CEP97: variants seen among roughly 807,000 people sequenced by gnomAD.
The protein encoded by CEP97 is centrosomal protein 97.
Under a neutral mutation model 73.1 loss-of-function variants are expected in CEP97, and 43 were observed. The observed-to-expected ratio is 0.59, with a 90% CI of 0.46 to 0.76. The LOEUF is 0.76. CEP97 is among the 30% of genes least tolerant of loss of function. The pLI is 0.00. For missense variants in CEP97, 939 were observed against 1,014.0 expected, an observed-to-expected ratio of 0.93 and a Z score of 1.00; for synonymous variants, 337 against 370.0, an observed-to-expected ratio of 0.91 and a Z score of 1.02.
rs13066768 is a variant in CEP97 at position 101,768,076 on chromosome 3, A to G, written c.*2525A>G. 1 of 151,944 alleles carries G rather than the reference A, an allele frequency of 6.6e-6. No homozygotes were observed. Among genetic ancestry groups the G allele is most frequent in the Non-Finnish European group, 1.5e-5 (1 of 67,976 alleles). 9.4% of individuals were successfully genotyped at this position (151,944 alleles called of 1,614,324 possible). ...AGGAAAGGTTTAGTTCAGCTGTGCTATTTTAGTACACATCAGTTCTCTTGA... is the reference window on the plus strand; with the variant it reads ...AGGAAAGGTTTAGTTCAGCTGTGCTGTTTTAGTACACATCAGTTCTCTTGA... On this transcript the variant is annotated 3_prime_UTR_variant, in exon 11 of 11. Coordinates refer to ENST00000341893, the MANE Select transcript of CEP97 (RefSeq NM_024548.4).
intron 6 of CEP97, among the ~76,000 whole-genome samples, chr3:101,741,529 A>G (rs10936753): frequency 0.68 from 104,087 of 152,034 alleles, 36,002 homozygotes; most frequent in Non-Finnish European, 0.71. Flanking sequence ...CTGTCAAAGG[A>G]CCAATATCCA....
At chr3:101,725,946 T>A (rs555919899) in intron 1 of CEP97, among the ~76,000 whole-genome samples, 191 of 152,206 alleles carry the variant, frequency 1.3e-3, no homozygotes, top group African/African-American at 4.6e-3. Flanking sequence ...ATCCCCACTT[T>A]ACAGAGTAGA....
At chr3:101,725,437 C>T (rs1459118251) in intron 1 of CEP97, among the ~76,000 whole-genome samples, 2 of 152,160 alleles carry the variant, frequency 1.3e-5, no homozygotes, top group Non-Finnish European at 2.9e-5. Flanking sequence ...GGGGTCGAGG[C>T]CCGTCTTCAT....
At chr3:101,745,353 C>T (rs1041350697) in intron 6 of CEP97, among the ~76,000 whole-genome samples, 85 of 152,240 alleles carry the variant, frequency 5.6e-4, no homozygotes, top group African/African-American at 1.9e-3. Flanking sequence ...CTCAACCTCC[C>T]GGGCTCAAAC....
intron 6 of CEP97, among the ~76,000 whole-genome samples, chr3:101,752,501 G>A (rs192007913): frequency 6.6e-6 from 1 of 152,286 alleles, no homozygotes; most frequent in African/African-American, 2.4e-5. Context: ...TTCCAACTTG[G>A]TTCCATTCTC....
Position 101,768,479 on chromosome 3 carries a change from A to AT in CEP97, c.*2934dup, listed in dbSNP as rs1939372609. On this transcript the variant is annotated 3_prime_UTR_variant, in exon 11 of 11. Transcript: ENST00000341893. Reference sequence around the variant, plus strand: ...CTAATTCCTTCAGAACCCTGAGTGAATTTTTTCTAAGAAATGTGACTTGAT... The same window carrying AT: ...CTAATTCCTTCAGAACCCTGAGTGAATTTTTTTCTAAGAAATGTGACTTGAT... The AT allele has an allele frequency of 6.6e-6, 1 of 152,142 alleles. No individual in the cohort carries two copies. The highest frequency in any genetic ancestry group is 2.1e-4 in the South Asian group (1 of 4,830). 9.4% of individuals were successfully genotyped at this position (152,142 alleles called of 1,614,324 possible).
chr3:101,768,842 G>A lies in CEP97; in HGVS notation c.*3291G>A, dbSNP rs926100090. Reference sequence around the variant, plus strand: ...CAGATGTTAAAATGTTAACTCTCCTGGTGTGCAGAAAGCTGTAATCATGAC... The same window carrying A: ...CAGATGTTAAAATGTTAACTCTCCTAGTGTGCAGAAAGCTGTAATCATGAC... On this transcript the variant is annotated 3_prime_UTR_variant, in exon 11 of 11. Transcript: ENST00000341893. 1 of 152,070 alleles carries A rather than the reference G, an allele frequency of 6.6e-6. No individual in the cohort carries two copies. Among genetic ancestry groups the A allele is most frequent in the Non-Finnish European group, 1.5e-5 (1 of 68,016 alleles). 9.4% of individuals were successfully genotyped at this position (152,070 alleles called of 1,614,324 possible). A position where few individuals can be genotyped will look rare whatever the true frequency, so the allele number is the denominator to read the frequency against.
chr3:101,742,954 A>G (rs1182025184), intron 6 of CEP97, among the ~76,000 whole-genome samples: 3 of 152,176 alleles, frequency 2.0e-5, no homozygotes, highest in African/African-American at 7.2e-5. Flanking sequence ...GAGAACAGGA[A>G]GAGAGCATGG....
intron 6 of CEP97, among the ~76,000 whole-genome samples, chr3:101,733,293 G>A (rs1938171290): frequency 6.6e-6 from 1 of 152,096 alleles, no homozygotes; most frequent in African/African-American, 2.4e-5. Flanking sequence ...TCTCAGATCA[G>A]TCTCACAAAA....
At chr3:101,747,915 C>T (rs1470698193) in intron 6 of CEP97, among the ~76,000 whole-genome samples, 1 of 151,100 alleles carries the variant, frequency 6.6e-6, no homozygotes, top group Non-Finnish European at 1.5e-5. Flanking sequence ...TTGAAGTCAG[C>T]AGTTCAAGAC....
Position 101,758,369 on chromosome 3 carries a change from T to C in CEP97, c.1763T>C (p.Ile588Thr), listed in dbSNP as rs2107186110. 1.9e-6 allele frequency: 3 copies of C among 1,614,154 alleles called. No individual in the cohort carries two copies. In the East Asian group the frequency reaches 6.7e-5, roughly 36 times the overall value. Reference sequence around the variant, plus strand: ...CAAGCCAAAGATGTGCGTTACGAAATCCGGCTACGCAGAATGCAAGAGCAC... The same window carrying C: ...CAAGCCAAAGATGTGCGTTACGAAACCCGGCTACGCAGAATGCAAGAGCAC... ...NPQAKDVRYE[I>T]RLRRMQEHIV... The change falls in exon 9 of 11, where the codon ATC becomes ACC. Residue 588 changes from isoleucine (I) to threonine (T), a missense_variant. Coordinates refer to ENST00000341893, the MANE Select transcript of CEP97 (RefSeq NM_024548.4).
chr3:101,754,318 C>G (rs1938944925), intron 6 of CEP97, among the ~76,000 whole-genome samples: 1 of 152,074 alleles, frequency 6.6e-6, no homozygotes. Context: ...CTTAAAGAAA[C>G]AACCACAATG....
At chr3:101,758,602 C>G (rs369553249) in intron 9 of CEP97, 179 bp downstream of exon 9, 4 of 673,192 alleles carry the variant, frequency 5.9e-6, no homozygotes, top group Non-Finnish European at 7.4e-6. Context: ...ACTATCTGCT[C>G]TATCTCCTCA....
In CEP97 at chr3:101,757,087, C is replaced by G; in HGVS notation, c.918C>G (p.Asn306Lys). Reference sequence around the variant, plus strand: ...GGTTTCACCAGAGGCAGTTGATGAACCAAAGCCAAAATGAAGAGTTGTCTC... The same window carrying G: ...GGTTTCACCAGAGGCAGTTGATGAAGCAAAGCCAAAATGAAGAGTTGTCTC... ...KQRFHQRQLMNQSQNEELSPL... is the reference protein window; with the variant it reads ...KQRFHQRQLMKQSQNEELSPL... Residue 306 changes from asparagine (N) to lysine (K), a missense_variant, in exon 8 of 11, where the codon AAC becomes AAG. Transcript: ENST00000341893. 6.2e-7 allele frequency: 1 copy of G among 1,611,236 alleles called. No homozygotes were observed. The highest frequency in any genetic ancestry group is 2.2e-5 in the East Asian group (1 of 44,696).
chr3:101,764,237 A>G (rs1028157631), intron 10 of CEP97, among the ~76,000 whole-genome samples: 63 of 152,192 alleles, frequency 4.1e-4, no homozygotes, highest in Non-Finnish European at 3.8e-4. Context: ...AGGCCAAGGC[A>G]GAAGGATTGC....
In CEP97 at chr3:101,769,866, C is replaced by T. The variant is rs921766988; in HGVS notation, c.*4315C>T. On this transcript the variant is annotated 3_prime_UTR_variant, in exon 11 of 11. Transcript: ENST00000341893. ...ATATTAAAATTAAAAGTCAAATAAA[C>T]AAAGCAGTCCTCACAGCCTTGGAAA... 1 of 152,052 alleles carries T rather than the reference C, an allele frequency of 6.6e-6. No individual in the cohort carries two copies. The highest frequency in any genetic ancestry group is 2.4e-5 in the African/African-American group (1 of 41,394). 9.4% of individuals were successfully genotyped at this position (152,052 alleles called of 1,614,324 possible).
intron 7 of CEP97, among the ~76,000 whole-genome samples, 159 bp downstream of exon 7, chr3:101,755,753 G>A (rs879770986): frequency 2.6e-5 from 4 of 152,186 alleles, no homozygotes; most frequent in Admixed American, 1.3e-4. Context: ...AAGCTGAATC[G>A]TGCACTGCAA....
chr3:101,727,333 T>C (rs1303139654), intron 2 of CEP97, 50 bp from the exon 3 acceptor site: 1 of 1,474,910 alleles, frequency 6.8e-7, no homozygotes, highest in East Asian at 2.3e-5. Context: ...TAATGTGAAA[T>C]ATTTTATATA....
At chr3:101,752,463 T>A (rs1938862439) in intron 6 of CEP97, among the ~76,000 whole-genome samples, 1 of 152,256 alleles carries the variant, frequency 6.6e-6, no homozygotes. Context: ...TTGGGGAAGT[T>A]CTCCTGGATA....
Sources: allele counts gnomAD v4.1 joint callset (sites outside exome capture counted in the v4.1 genomes callset), GRCh38; gene constraint gnomAD v4.1.1; transcripts MANE v1.5; gene names NCBI Gene and HGNC (gene_info 2026-07-23, HGNC 2026-07-21).